ATP8A2: variants seen among roughly 807,000 people sequenced by gnomAD.
ATP8A2 encodes the protein phospholipid-transporting ATPase IB.
Under a neutral mutation model 165.6 loss-of-function variants are expected in ATP8A2, and 100 were observed. The observed-to-expected ratio is 0.60, with a 90% CI of 0.51 to 0.71. ATP8A2 has a LOEUF of 0.71. Ranked by LOEUF, ATP8A2 falls within the 30% of genes least tolerant of loss-of-function variation. ATP8A2 has a pLI of 0.00. For synonymous variants in ATP8A2, 543 were observed against 548.8 expected (o/e 0.99, Z 0.15); for missense variants, 1,227 against 1,479.5 (o/e 0.83, Z 2.80).
chr13:25,957,426 A>G (rs1955553563), intron 33 of ATP8A2, among the ~76,000 whole-genome samples: 1 of 152,242 alleles, frequency 6.6e-6, no homozygotes. Flanking sequence ...CAAGGAAAAA[A>G]CAACCCCATC....
intron 33 of ATP8A2, among the ~76,000 whole-genome samples, chr13:25,943,566 C>A (rs1310265401): frequency 6.6e-6 from 1 of 152,172 alleles, no homozygotes; most frequent in Non-Finnish European, 1.5e-5. Context: ...TGTGTCAGTA[C>A]ACTCCAGGAT....
intron 24 of ATP8A2, among the ~76,000 whole-genome samples, chr13:25,639,449 A>G (rs12876539): frequency 0.39 from 58,590 of 152,040 alleles, 11,976 homozygotes; most frequent in Middle Eastern, 0.49. Flanking sequence ...CAGGGGTTGC[A>G]ATCCTAGTCT....
At chr13:25,550,737 C>T (rs1308107909) in intron 10 of ATP8A2, among the ~76,000 whole-genome samples, 1 of 152,154 alleles carries the variant, frequency 6.6e-6, no homozygotes, top group Non-Finnish European at 1.5e-5. Flanking sequence ...CTTCTTGGTC[C>T]TGCTTCTTGT....
intron 2 of ATP8A2, among the ~76,000 whole-genome samples, chr13:25,470,240 A>G (rs1445908058): frequency 6.6e-6 from 1 of 152,198 alleles, no homozygotes; most frequent in South Asian, 2.1e-4. Context: ...AAGGAGTGTT[A>G]GATTATGCAG....
chr13:25,906,779 T>G (rs1289319678), intron 33 of ATP8A2, among the ~76,000 whole-genome samples: 2 of 152,188 alleles, frequency 1.3e-5, no homozygotes, highest in African/African-American at 4.8e-5. Context: ...TAAAGCTCAG[T>G]GGCAGAGTCC....
rs1957144083 is a variant in ATP8A2 at position 26,025,118 on chromosome 13, A to C, written c.*5133A>C. 8.5e-5 allele frequency: 3 copies of C among 35,100 alleles called. No individual in the cohort carries two copies. Among genetic ancestry groups the C allele is most frequent in the Admixed American group, 2.3e-4 (1 of 4,388 alleles). The allele number at this position is 35,100 out of a possible 1,614,324, so 2.2% of individuals were successfully genotyped here. A position where few individuals can be genotyped will look rare whatever the true frequency, so the allele number is the denominator to read the frequency against. ...GAATCAATAAACACCAACAACAACA[A>C]AAAAAAAAAAAAAAAAAAAGGAAGA... On this transcript the variant is annotated 3_prime_UTR_variant, in exon 37 of 37. Coordinates refer to ENST00000381655, the MANE Select transcript of ATP8A2 (RefSeq NM_016529.6).
chr13:25,834,541 C>T (rs1484461250), intron 28 of ATP8A2, among the ~76,000 whole-genome samples: 1 of 152,144 alleles, frequency 6.6e-6, no homozygotes, highest in Admixed American at 6.6e-5. Flanking sequence ...AATGGCACAT[C>T]CATACTATGA....
At chr13:25,424,447 CCTT>C (rs1169485399) in intron 1 of ATP8A2, among the ~76,000 whole-genome samples, 1 of 152,118 alleles carries the variant, frequency 6.6e-6, no homozygotes, top group Admixed American at 6.6e-5. Context: ...TTGGTGATTC[CCTT>C]CTTCTCTCCT....
At chr13:25,712,334 G>A (rs2043174444) in intron 25 of ATP8A2, among the ~76,000 whole-genome samples, 1 of 151,426 alleles carries the variant, frequency 6.6e-6, no homozygotes. Flanking sequence ...TGTGGAGGTG[G>A]CTTATGTCAG....
chr13:25,922,411 G>A (rs1432792486), intron 33 of ATP8A2, among the ~76,000 whole-genome samples: 2 of 152,170 alleles, frequency 1.3e-5, no homozygotes, highest in African/African-American at 2.4e-5. Context: ...GTGACAAGAC[G>A]ATGAAATCTT....
Position 25,680,050 on chromosome 13 carries a change from A to G in ATP8A2, c.2212-19123A>G, listed in dbSNP as rs1593184795. On this transcript the variant is annotated intron_variant, in intron 24 of 36. Coordinates refer to ENST00000381655, the MANE Select transcript of ATP8A2 (RefSeq NM_016529.6). ...ATTAAAGTGGGGGCAGAAATTGAAC[A>G]GGAGAGAAATTTCATGCTCTACGTT... Among the ~76,000 whole-genome samples, 6 of 152,274 alleles carry G rather than the reference A, an allele frequency of 3.9e-5. 1 individual carries two copies. Among genetic ancestry groups the G allele is most frequent in the African/African-American group, 2.4e-5 (1 of 41,566 alleles).
chr13:25,576,923 C>G, intron 19 of ATP8A2, 146 bp from the exon 20 acceptor site: 1 of 662,648 alleles, frequency 1.5e-6, no homozygotes, highest in East Asian at 2.5e-5. Flanking sequence ...ACAGTTAGGT[C>G]CTACTTTGAA....
intron 27 of ATP8A2, among the ~76,000 whole-genome samples, chr13:25,785,768 T>C (rs2045008489): frequency 1.3e-5 from 2 of 152,204 alleles, no homozygotes; most frequent in Admixed American, 6.5e-5. Flanking sequence ...AGATCAAGAA[T>C]GGAGACTTCA....
Position 25,866,554 on chromosome 13 carries a change from T to A in ATP8A2, c.3183+4146T>A, listed in dbSNP as rs991803743. On this transcript the variant is annotated intron_variant, in intron 33 of 36. Coordinates refer to ENST00000381655, the MANE Select transcript of ATP8A2 (RefSeq NM_016529.6). ...ACCACCTGCATCCAAATCATCTGGG[T>A]TGCTTGTCAAAATGACAACCCCCAC... Among the ~76,000 whole-genome samples the A allele has an allele frequency of 9.9e-5, 15 of 152,176 alleles. No individual in the cohort carries two copies. In the South Asian group the frequency reaches 1.7e-3, roughly 17 times the overall value.
At chr13:25,868,649 C>T (rs1952589015) in intron 33 of ATP8A2, among the ~76,000 whole-genome samples, 1 of 152,122 alleles carries the variant, frequency 6.6e-6, no homozygotes, top group Admixed American at 6.5e-5. Context: ...GCACAATGAG[C>T]GAAGTTAAGA....
At position 25,860,256 on chromosome 13, in the gene ATP8A2, A is replaced by G. The variant is rs1481652519; in HGVS notation, c.3018A>G (p.Thr1006=). The change falls in exon 31 of 37, where the codon ACA becomes ACG. Residue 1006 remains threonine, a splice_region_variant and synonymous_variant. Coordinates refer to ENST00000381655, the MANE Select transcript of ATP8A2 (RefSeq NM_016529.6). ...DYLFVGNIVY[T]YVVVTVCLKA... Reference sequence around the variant, plus strand: ...TATTTGTTGGAAATATTGTTTACACAGTAAGTTTATCTCTGTTTATTAAGC... The same window carrying G: ...TATTTGTTGGAAATATTGTTTACACGGTAAGTTTATCTCTGTTTATTAAGC... 1.2e-6 allele frequency: 2 copies of G among 1,604,550 alleles called. No homozygotes were observed. The highest frequency in any genetic ancestry group is 1.7e-6 in the Non-Finnish European group (2 of 1,171,814).
intron 2 of ATP8A2, among the ~76,000 whole-genome samples, chr13:25,501,245 G>A (rs2036845045): frequency 1.3e-5 from 2 of 152,224 alleles, no homozygotes; most frequent in Admixed American, 1.3e-4. Flanking sequence ...CAGGAGGCTG[G>A]CACACCACCC....
intron 27 of ATP8A2, among the ~76,000 whole-genome samples, chr13:25,799,757 C>T (rs1950581863): frequency 6.6e-6 from 1 of 152,150 alleles, no homozygotes; most frequent in East Asian, 1.9e-4. Flanking sequence ...CAAAGCATTT[C>T]AAGTGCTCTT....
intron 24 of ATP8A2, among the ~76,000 whole-genome samples, chr13:25,697,913 C>G (rs372229594): frequency 5.9e-5 from 9 of 152,292 alleles, no homozygotes; most frequent in African/African-American, 2.2e-4. Context: ...AGAATAAACA[C>G]TGAACAATAA....
Sources: gnomAD v4.1 joint callset for allele counts (sites outside exome capture counted in the v4.1 genomes callset) on GRCh38, gnomAD v4.1.1 for gene constraint, MANE v1.5 for transcripts, NCBI Gene and HGNC (gene_info 2026-07-23, HGNC 2026-07-21) for gene names.